The following PPIE variants were observed in gnomAD, a reference collection of about 807,000 sequenced individuals.
PPIE encodes peptidylprolyl isomerase E, also known as peptidyl-prolyl cis-trans isomerase E.
PPIE carries 20 observed loss-of-function variants against 38.4 expected under a neutral mutation model. That is an observed-to-expected ratio of 0.52 (90% CI 0.37 to 0.76). PPIE has a LOEUF of 0.76. Ranked by LOEUF, PPIE falls within the 30% of genes least tolerant of loss-of-function variation. The pLI is 0.00. For synonymous variants in PPIE, 142 were observed against 135.7 expected (o/e 1.05, Z -0.32); for missense variants, 322 against 385.8 (o/e 0.83, Z 1.39).
chr1:39,741,231 C>T lies in PPIE; in HGVS notation c.131-135C>T, dbSNP rs149348831. On this transcript the variant is annotated intron_variant, in intron 2 of 9. Transcript: ENST00000324379. ...ATAAGAAGAATCAAGAATGAGATTCCTTCTTCCTAAATAGTGATTGGATAG... is the reference window on the plus strand; with the variant it reads ...ATAAGAAGAATCAAGAATGAGATTCTTTCTTCCTAAATAGTGATTGGATAG... 232 of 717,398 alleles carry T rather than the reference C, an allele frequency of 3.2e-4. 3 individuals carry two copies. The African/African-American group carries it at 3.4e-3, about 11-fold the overall frequency. 44.4% of individuals were successfully genotyped at this position (717,398 alleles called of 1,614,324 possible).
downstream of PPIE, chr1:39,757,517 C>G (rs1385193484): frequency 3.3e-5 from 5 of 152,308 alleles, no homozygotes; most frequent in African/African-American, 7.2e-5. Flanking sequence ...CCCCTGCTGA[C>G]TTGGCCTCAA....
chr1:39,741,724 C>A, intron 3 of PPIE, 171 bp from the exon 4 acceptor site: 1 of 695,296 alleles, frequency 1.4e-6, no homozygotes, highest in Non-Finnish European at 2.4e-6. Context: ...ATTGTTGCAC[C>A]ACCAGCTCTA....
intron 5 of PPIE, 40 bp downstream of exon 5, chr1:39,743,337 C>T (rs1179984281): frequency 1.3e-6 from 2 of 1,583,494 alleles, no homozygotes; most frequent in Non-Finnish European, 1.7e-6. Context: ...TGATGTTCTG[C>T]AGTTTGGCCT....
At position 39,743,283 on chromosome 1, in the gene PPIE, G is replaced by C. The variant is rs756929050; in HGVS notation, c.269G>C (p.Gly90Ala). 1.2e-6 allele frequency: 2 copies of C among 1,614,056 alleles called. No homozygotes were observed. Among genetic ancestry groups the C allele is most frequent in the Non-Finnish European group, 1.7e-6 (2 of 1,179,916 alleles). The change falls in exon 5 of 10, where the codon GGC becomes GCC. Residue 90 changes from glycine (G) to alanine (A), a missense_variant. Transcript: ENST00000324379. ...NLAKPMRIKE[G>A]SSRPVWSDDD... ...GCCAAACCAATGAGAATTAAGGAAG[G>C]CTCTTCCAGGCCAGGTGAGTAGGAG...
At chr1:39,757,027 T>C (rs536364919), downstream of PPIE, among the ~76,000 whole-genome samples, 1 of 152,278 alleles carries the variant, frequency 6.6e-6, no homozygotes, top group African/African-American at 2.4e-5. Flanking sequence ...TGGGATCCCA[T>C]TGTCTGGGAA....
chr1:39,748,861 C>T (rs759663079), intron 7 of PPIE, 42 bp from the exon 8 acceptor site: 1 of 1,567,890 alleles, frequency 6.4e-7, no homozygotes, highest in Admixed American at 1.9e-5. Context: ...TTTATTTTGT[C>T]CTATTTTTTA....
rs998607623 is a variant in PPIE at position 39,756,319 on chromosome 1, G to C, written c.*2964G>C. The C allele has an allele frequency of 3.0e-6, 3 of 985,450 alleles. No homozygotes were observed. The highest frequency in any genetic ancestry group is 3.6e-6 in the Non-Finnish European group (3 of 829,940). The allele number at this position is 985,450 out of a possible 1,614,324, so 61.0% of individuals were successfully genotyped here. The stretch of plus-strand genomic sequence containing the variant: ...ATTCCACATTCCCATTGCTGGACCA[G>C]CACCAGGACTGGGCACAGGGCTTCC... On this transcript the variant is annotated 3_prime_UTR_variant, in exon 10 of 10. Coordinates refer to ENST00000324379, the MANE Select transcript of PPIE (RefSeq NM_006112.4).
chr1:39,740,417 G>C (rs370336863), intron 2 of PPIE, among the ~76,000 whole-genome samples, 154 bp downstream of exon 2: 11 of 152,348 alleles, frequency 7.2e-5, no homozygotes, highest in Admixed American at 4.6e-4. Context: ...GATCTCGATG[G>C]AGAAGGAATG....
chr1:39,747,192 A>G (rs1470615625), intron 7 of PPIE: 1 of 152,150 alleles, frequency 6.6e-6, no homozygotes, highest in Non-Finnish European at 1.5e-5. Context: ...TATCTTGTTC[A>G]TTCATTTGTT....
intron 6 of PPIE, among the ~76,000 whole-genome samples, chr1:39,744,348 A>C (rs1040343680): frequency 6.6e-6 from 1 of 152,020 alleles, no homozygotes; most frequent in African/African-American, 2.4e-5. Flanking sequence ...CCTTCCTTCA[A>C]CCTGTACATG....
chr1:39,759,170 A>C (rs1411474231), downstream of PPIE: 1 of 152,170 alleles, frequency 6.6e-6, no homozygotes, highest in Non-Finnish European at 1.5e-5. Flanking sequence ...TTCCGAGAAC[A>C]GCAGAGGCTG....
intron 1 of PPIE, chr1:39,739,181 G>T (rs555597062): frequency 2.5e-6 from 1 of 407,322 alleles, no homozygotes; most frequent in Non-Finnish European, 4.3e-6. Flanking sequence ...TTCCCGATTC[G>T]CTGGGTCTCC....
chr1:39,743,125 A>G, intron 4 of PPIE, 91 bp from the exon 5 acceptor site: 1 of 1,152,112 alleles, frequency 8.7e-7, no homozygotes, highest in Non-Finnish European at 1.3e-6. Context: ...GGGAGGACAA[A>G]TCATGAGTGT....
In PPIE at chr1:39,753,948, G is replaced by A. The variant is rs896595795; in HGVS notation, c.*593G>A. 8.4e-5 allele frequency: 83 copies of A among 985,232 alleles called. 1 individual carries two copies. The South Asian group carries it at 1.4e-3, about 17-fold the overall frequency. 61.0% of individuals were successfully genotyped at this position (985,232 alleles called of 1,614,324 possible). The stretch of plus-strand genomic sequence containing the variant: ...GCCTCTGCTCCTAAACCCAGCTGCC[G>A]GCCTTACAGCCAGCAAGTGTACTCT... On this transcript the variant is annotated 3_prime_UTR_variant, in exon 10 of 10. Transcript: ENST00000324379.
downstream of PPIE, chr1:39,760,179 T>TAG: frequency 1.5e-6 from 1 of 680,376 alleles, no homozygotes; most frequent in South Asian, 2.0e-5. Flanking sequence ...TGCATTTGGG[T>TAG]AGAACACTGC....
chr1:39,745,253 C>A, intron 6 of PPIE, 122 bp from the exon 7 acceptor site: 1 of 1,353,114 alleles, frequency 7.4e-7, no homozygotes, highest in East Asian at 2.4e-5. Flanking sequence ...AAGGCCTTCC[C>A]CGTCAGCACT....
chr1:39,755,030 A>T lies in PPIE; in HGVS notation c.*1675A>T. 1.0e-6 allele frequency: 1 copy of T among 985,420 alleles called. No homozygotes were observed. Among genetic ancestry groups the T allele is most frequent in the Non-Finnish European group, 1.2e-6 (1 of 829,928 alleles). The allele number at this position is 985,420 out of a possible 1,614,324, so 61.0% of individuals were successfully genotyped here. On this transcript the variant is annotated 3_prime_UTR_variant, in exon 10 of 10. Coordinates refer to ENST00000324379, the MANE Select transcript of PPIE (RefSeq NM_006112.4). Reference sequence around the variant, plus strand: ...GATTGCCAGCCACTGAAGAGAACAAATGGTCCCACCCCCTGCTGAGCTCAC... The same window carrying T: ...GATTGCCAGCCACTGAAGAGAACAATTGGTCCCACCCCCTGCTGAGCTCAC...
At chr1:39,741,604 C>T in intron 3 of PPIE, 195 bp downstream of exon 3, 3 of 647,832 alleles carry the variant, frequency 4.6e-6, no homozygotes, top group Non-Finnish European at 8.0e-6. Flanking sequence ...TCAGACCTGC[C>T]AGGCCCTCCC....
chr1:39,751,716 A>G (rs1464085480), intron 8 of PPIE, among the ~76,000 whole-genome samples: 1 of 152,186 alleles, frequency 6.6e-6, no homozygotes, highest in Non-Finnish European at 1.5e-5. Flanking sequence ...TGTGCCAGAC[A>G]TTGCAGAACA....
Sources: gnomAD v4.1 joint callset for allele counts (sites outside exome capture counted in the v4.1 genomes callset) on GRCh38, gnomAD v4.1.1 for gene constraint, MANE v1.5 for transcripts, NCBI Gene and HGNC (gene_info 2026-07-23, HGNC 2026-07-21) for gene names.